Variants in CSMD1 observed in about 807,000 individuals in gnomAD.
The protein encoded by CSMD1 is CUB and sushi domain-containing protein 1.
In CSMD1, 213 loss-of-function variants were observed where a neutral mutation model predicts 417.5. That is an observed-to-expected ratio of 0.51 (90% CI 0.46 to 0.57). CSMD1 has a LOEUF of 0.57. Among genes scored for constraint, CSMD1 ranks in the 20% least tolerant of loss-of-function variants. The pLI, the probability that CSMD1 is intolerant of heterozygous loss-of-function variation, is 0.00. For missense variants in CSMD1, 6,923 were observed against 4,529.7 expected (o/e 1.53, Z -15.17); for synonymous variants, 2,862 against 1,736.8 (o/e 1.65, Z -16.11).
At position 4,792,410 on chromosome 8, in the gene CSMD1, T is replaced by A. The variant is rs1415068055; in HGVS notation, c.86-154852A>T. ...AGACATTTCGTCTTTTCATCTCTACTCAATATTCAGCAGTGGTACAGCCAA... is the reference window on the plus strand; with the variant it reads ...AGACATTTCGTCTTTTCATCTCTACACAATATTCAGCAGTGGTACAGCCAA... On this transcript the variant is annotated intron_variant, in intron 1 of 69. Coordinates refer to ENST00000635120, the MANE Select transcript of CSMD1 (RefSeq NM_033225.6). 4.6e-5 allele frequency among the ~76,000 whole-genome samples: 7 copies of A among 152,200 alleles called. No individual in the cohort carries two copies. In the South Asian group the frequency reaches 1.0e-3, roughly 22 times the overall value.
intron 2 of CSMD1, among the ~76,000 whole-genome samples, chr8:4,461,743 T>TTTA (rs1554487166): frequency 2.3e-5 from 3 of 131,050 alleles, no homozygotes; most frequent in South Asian, 2.6e-4. Context: ...ATTTACTTAT[T>TTTA]TTTTTTTTTT....
intron 3 of CSMD1, among the ~76,000 whole-genome samples, chr8:4,177,230 C>G (rs1168902709): frequency 6.6e-6 from 1 of 152,184 alleles, no homozygotes; most frequent in Middle Eastern, 3.2e-3. Context: ...AACAAACTGT[C>G]TCTCACACCA....
At chr8:4,302,439 G>A (rs1162695612) in intron 3 of CSMD1, among the ~76,000 whole-genome samples, 1 of 152,162 alleles carries the variant, frequency 6.6e-6, no homozygotes, top group African/African-American at 2.4e-5. Context: ...AGTGAAGGTG[G>A]TTTTATCACA....
chr8:4,918,128 C>A (rs535629333), intron 1 of CSMD1, among the ~76,000 whole-genome samples: 1 of 152,036 alleles, frequency 6.6e-6, no homozygotes, highest in Non-Finnish European at 1.5e-5. Flanking sequence ...CAAAACTGCC[C>A]CCTGAAAAAT....
chr8:3,016,249 A>C (rs1465599661), intron 52 of CSMD1, among the ~76,000 whole-genome samples: 1 of 152,174 alleles, frequency 6.6e-6, no homozygotes, highest in Non-Finnish European at 1.5e-5. Context: ...TTGCTACTCT[A>C]CTAAATATTT....
intron 3 of CSMD1, among the ~76,000 whole-genome samples, chr8:4,308,553 C>T (rs1035779668): frequency 6.6e-6 from 1 of 152,110 alleles, no homozygotes; most frequent in Admixed American, 6.5e-5. Flanking sequence ...ACGTTGTCTT[C>T]GATATATCTT....
chr8:3,539,356 G>C (rs1798343203), intron 10 of CSMD1, among the ~76,000 whole-genome samples: 1 of 151,932 alleles, frequency 6.6e-6, no homozygotes, highest in Admixed American at 6.6e-5. Flanking sequence ...TTGCCTTCTG[G>C]GCAACACCTT....
At chr8:4,775,167 T>C (rs897294675) in intron 1 of CSMD1, among the ~76,000 whole-genome samples, 1 of 152,214 alleles carries the variant, frequency 6.6e-6, no homozygotes. Flanking sequence ...GTAATTCTAA[T>C]ATTCTCAACA....
intron 11 of CSMD1, among the ~76,000 whole-genome samples, chr8:3,481,317 C>A (rs1211793726): frequency 6.6e-6 from 1 of 152,048 alleles, no homozygotes; most frequent in Non-Finnish European, 1.5e-5. Flanking sequence ...ACAATATAAA[C>A]TGGACTATTT....
At chr8:4,281,083 C>G (rs1298153115) in intron 3 of CSMD1, among the ~76,000 whole-genome samples, 1 of 152,116 alleles carries the variant, frequency 6.6e-6, no homozygotes, top group African/African-American at 2.4e-5. Context: ...AGAGGCTGCC[C>G]CAGAGGTGTA....
At position 4,490,143 on chromosome 8, in the gene CSMD1, T is replaced by A. The variant is rs985951243; in HGVS notation, c.303-70078A>T. Reference sequence around the variant, plus strand: ...GCAACCTCTGCCTCCTGAGTTCAAGTGATTCTCCTGCTTCAGCCTCTCAGG... The same window carrying A: ...GCAACCTCTGCCTCCTGAGTTCAAGAGATTCTCCTGCTTCAGCCTCTCAGG... On this transcript the variant is annotated intron_variant, in intron 2 of 69. Transcript: ENST00000635120. Among the ~76,000 whole-genome samples the A allele has an allele frequency of 6.0e-5, 9 of 151,156 alleles. No homozygotes were observed. The East Asian group carries it at 1.4e-3, about 23-fold the overall frequency.
At chr8:4,015,661 T>A (rs1286152908) in intron 4 of CSMD1, among the ~76,000 whole-genome samples, 1 of 97,472 alleles carries the variant, frequency 1.0e-5, no homozygotes. Context: ...GTTTGAATCT[T>A]AAAAAAAAAA....
At chr8:3,751,565 G>T (rs972867972) in intron 6 of CSMD1, among the ~76,000 whole-genome samples, 1 of 150,262 alleles carries the variant, frequency 6.7e-6, no homozygotes, top group Non-Finnish European at 1.5e-5. Flanking sequence ...CGTACGTACA[G>T]TTTAATTCTA....
intron 4 of CSMD1, among the ~76,000 whole-genome samples, chr8:4,015,801 G>A (rs775364879): frequency 2.0e-5 from 3 of 152,112 alleles, no homozygotes; most frequent in African/African-American, 7.2e-5. Context: ...AAAAACAAGG[G>A]TGAAACTTCA....
At chr8:4,679,292 G>C (rs889528960) in intron 1 of CSMD1, among the ~76,000 whole-genome samples, 1 of 152,144 alleles carries the variant, frequency 6.6e-6, no homozygotes, top group Admixed American at 6.5e-5. Context: ...ACCTTACTCT[G>C]CAGATGCATG....
At chr8:4,866,905 G>A (rs1265992057) in intron 1 of CSMD1, among the ~76,000 whole-genome samples, 3 of 151,334 alleles carry the variant, frequency 2.0e-5, no homozygotes, top group African/African-American at 7.3e-5. Context: ...TAATTTATTT[G>A]CCATTATTTT....
intron 3 of CSMD1, among the ~76,000 whole-genome samples, chr8:4,047,256 G>C (rs941418070): frequency 6.6e-6 from 1 of 152,058 alleles, no homozygotes; most frequent in African/African-American, 2.4e-5. Flanking sequence ...CTAAGTGGTA[G>C]GCACATGTAT....
At chr8:3,020,166 A>G (rs1297702863) in intron 51 of CSMD1, among the ~76,000 whole-genome samples, 1 of 152,218 alleles carries the variant, frequency 6.6e-6, no homozygotes, top group Non-Finnish European at 1.5e-5. Context: ...TTATGGGTTG[A>G]TAATAGCTCC....
At chr8:3,629,551 T>G (rs901612355) in intron 7 of CSMD1, among the ~76,000 whole-genome samples, 1 of 152,232 alleles carries the variant, frequency 6.6e-6, no homozygotes, top group Non-Finnish European at 1.5e-5. Flanking sequence ...TTTTCTCCTG[T>G]AAACAGTTTA....
Sources: allele counts gnomAD v4.1 joint callset (sites outside exome capture counted in the v4.1 genomes callset), GRCh38; gene constraint gnomAD v4.1.1; transcripts MANE v1.5; gene names NCBI Gene and HGNC (gene_info 2026-07-23, HGNC 2026-07-21).